NLRP4: variants seen among roughly 807,000 people sequenced by gnomAD.
NLRP4 encodes NACHT, LRR and PYD domains-containing protein 4.
NLRP4 carries 44 observed loss-of-function variants against 84.7 expected under a neutral mutation model. The ratio of observed to expected loss-of-function variants is 0.52; its 90% CI spans 0.41 to 0.67. The LOEUF is 0.67. NLRP4 is among the 30% of genes least tolerant of loss of function. The pLI, the probability that NLRP4 is intolerant of heterozygous loss-of-function variation, is 0.00. For missense variants in NLRP4, 1,260 were observed against 1,219.4 expected (o/e 1.03, Z -0.50); for synonymous variants, 544 against 476.4 (o/e 1.14, Z -1.85).
chr19:55,842,920 C>T (rs186987023), intron 1 of NLRP4, among the ~76,000 whole-genome samples: 26 of 152,004 alleles, frequency 1.7e-4, no homozygotes, highest in East Asian at 7.7e-4. Flanking sequence ...CCACCACGCC[C>T]GGCTAATTTT....
chr19:55,861,440 C>G lies in NLRP4; in HGVS notation c.1911C>G (p.Ser637Arg), dbSNP rs541888369. 1 of 1,614,038 alleles carries G rather than the reference C, an allele frequency of 6.2e-7. No homozygotes were observed. The highest frequency in any genetic ancestry group is 8.5e-7 in the Non-Finnish European group (1 of 1,179,854). The part of the protein sequence containing the change: ...WHHICSVLTT[S>R]GHLRELQVQD... ...ACATCTGCTCTGTGCTCACCACCAG[C>G]GGGCACCTCAGAGAGCTCCAGGTGC... The change falls in exon 4 of 10, where the codon AGC (serine) becomes AGG (arginine). Residue 637 changes from serine to arginine, a missense_variant. Ser to Arg is a moderately radical substitution (Grantham distance 110, BLOSUM62 -1). Around this residue, in one of 3 missense-constraint regions of NLRP4, gnomAD observed 544 missense variants for 531.7 expected, o/e 1.02. Transcript: ENST00000301295.
At chr19:55,870,775 C>T (rs1216427623) in intron 6 of NLRP4, 52 bp from the exon 7 acceptor site, 6 of 1,357,374 alleles carry the variant, frequency 4.4e-6, no homozygotes, top group Non-Finnish European at 6.3e-6. Flanking sequence ...GCAAATCTCC[C>T]TGAGACACCA....
At chr19:55,849,198 TAC>T (rs1983921702) in intron 1 of NLRP4, among the ~76,000 whole-genome samples, 1 of 152,180 alleles carries the variant, frequency 6.6e-6, no homozygotes, top group African/African-American at 2.4e-5. Context: ...CTAAAGTTGT[TAC>T]AGTTTTAGCT....
intron 7 of NLRP4, among the ~76,000 whole-genome samples, 187 bp from the exon 8 acceptor site, chr19:55,876,809 C>T (rs947887870): frequency 2.0e-5 from 3 of 151,910 alleles, no homozygotes; most frequent in African/African-American, 4.8e-5. Flanking sequence ...TTTAGTGTTG[C>T]GTGTTATGTG....
chr19:55,843,195 C>T (rs78642676), intron 1 of NLRP4, among the ~76,000 whole-genome samples: 1,935 of 152,298 alleles, frequency 0.013, 36 homozygotes, highest in African/African-American at 0.043. Flanking sequence ...AATGGCACAA[C>T]CGTTCAAATA....
chr19:55,842,641 A>G (rs959999381), intron 1 of NLRP4, among the ~76,000 whole-genome samples: 1 of 151,860 alleles, frequency 6.6e-6, no homozygotes, highest in Admixed American at 6.6e-5. Context: ...GCATCTCTTA[A>G]TTTTCACCTG....
intron 1 of NLRP4, among the ~76,000 whole-genome samples, chr19:55,851,613 T>A (rs370964049): frequency 3.6e-5 from 2 of 55,416 alleles, no homozygotes; most frequent in South Asian, 7.8e-4. Flanking sequence ...GTAATGTCCG[T>A]GGCTGCGGTG....
In NLRP4 at chr19:55,858,990, C is replaced by T. The variant is rs1018091340; in HGVS notation, c.1597C>T (p.Gln533Ter). Residue 533 changes from glutamine to a stop codon, truncating the protein, a stop_gained, in exon 3 of 10, where the codon CAG becomes TAG. Coordinates refer to ENST00000301295, the MANE Select transcript of NLRP4 (RefSeq NM_134444.5). LOFTEE classifies it high-confidence loss of function. The surrounding 1 kb of genome is among the most constrained non-coding windows in gnomAD (Gnocchi z 4.2). Reference sequence around the variant, plus strand: ...CCAAGAGATAAAGCAGCAAATTCACCAGTGCCTGAAGAGCTTAGGGGAGCG... The same window carrying T: ...CCAAGAGATAAAGCAGCAAATTCACTAGTGCCTGAAGAGCTTAGGGGAGCG... ...LSQEIKQQIH[Q>*]CLKSLGERGN... The T allele has an allele frequency of 1.9e-6, 3 of 1,614,038 alleles. No homozygotes were observed. The highest frequency in any genetic ancestry group is 2.5e-6 in the Non-Finnish European group (3 of 1,180,026).
At chr19:55,857,591 A>T (rs1484601113) in intron 2 of NLRP4, 83 bp from the exon 3 acceptor site, 1 of 1,332,668 alleles carries the variant, frequency 7.5e-7, no homozygotes, top group East Asian at 2.3e-5. Flanking sequence ...CCCTGGAAAG[A>T]TACATCCTGA....
chr19:55,859,571 A>G (rs770795907), intron 3 of NLRP4, among the ~76,000 whole-genome samples: 1 of 152,084 alleles, frequency 6.6e-6, no homozygotes. Flanking sequence ...ATATTTTTCC[A>G]TAGCACCACA....
chr19:55,874,093 AAC>A lies in NLRP4; in HGVS notation c.2526-2901_2526-2900del, dbSNP rs1318895635. Among the ~76,000 whole-genome samples, 7 of 152,280 alleles carry A rather than the reference AAC, an allele frequency of 4.6e-5. No individual in the cohort carries two copies. In the East Asian group the frequency reaches 9.6e-4, roughly 21 times the overall value. On this transcript the variant is annotated intron_variant, in intron 7 of 9. Coordinates refer to ENST00000301295, the MANE Select transcript of NLRP4 (RefSeq NM_134444.5). ...AACCTGCAGGGTGGTTCTTGGAAAA[AAC>A]AGTTTTTGTTAATGCCATCCTATAG... is the stretch of plus-strand genomic sequence containing the variant.
intron 1 of NLRP4, among the ~76,000 whole-genome samples, chr19:55,847,543 A>T (rs1201047950): frequency 6.6e-6 from 1 of 152,162 alleles, no homozygotes; most frequent in Non-Finnish European, 1.5e-5. Context: ...CTTGTTTTAG[A>T]CACAGAAAAG....
Position 55,857,774 on chromosome 19 carries a change from C to T in NLRP4, c.381C>T (p.Val127=). The T allele has an allele frequency of 6.2e-7, 1 of 1,613,984 alleles. No homozygotes were observed. The highest frequency in any genetic ancestry group is 8.5e-7 in the Non-Finnish European group (1 of 1,179,912). The change falls in exon 3 of 10, where the codon GTC becomes GTT. Residue 127 remains valine (V), a synonymous_variant. Transcript: ENST00000301295. ...TEIHLYFEEE[V]KQEECDHLDR... ...TTCACCTATACTTTGAGGAGGAAGT[C>T]AAGCAAGAAGAATGTGACCATTTGG...
In NLRP4 at chr19:55,850,779, G is replaced by A. The variant is rs1000412518; in HGVS notation, c.-65-1237G>A. 4.5e-5 allele frequency among the ~76,000 whole-genome samples: 6 copies of A among 134,004 alleles called. 1 individual carries two copies. Among genetic ancestry groups the A allele is most frequent in the Non-Finnish European group, 1.5e-5 (1 of 64,526 alleles). The allele number at this position is 134,004 out of a possible 152,430, so 87.9% of individuals were successfully genotyped here. ...GCTGCGGTGTAATTTCCGAGGCTGC[G>A]GTGTAATTCCCGAGGCTGCGGTGTA... On this transcript the variant is annotated intron_variant, in intron 1 of 9. Transcript: ENST00000301295.
At chr19:55,865,210 C>T (rs553398351) in intron 5 of NLRP4, among the ~76,000 whole-genome samples, 7 of 152,254 alleles carry the variant, frequency 4.6e-5, no homozygotes, top group Admixed American at 3.3e-4. Context: ...CAGTGTTTAG[C>T]GTCCACTTAT....
chr19:55,870,122 A>C (rs188961559), intron 6 of NLRP4, among the ~76,000 whole-genome samples: 39 of 151,940 alleles, frequency 2.6e-4, no homozygotes, highest in African/African-American at 9.4e-4. Flanking sequence ...TTTTGAACCT[A>C]CTGTGATTTT....
At chr19:55,875,867 G>GAA (rs56984628) in intron 7 of NLRP4, among the ~76,000 whole-genome samples, 17 of 142,330 alleles carry the variant, frequency 1.2e-4, no homozygotes, top group African/African-American at 3.9e-4. Flanking sequence ...CGTCTCTACT[G>GAA]AAAAAAAAAA....
chr19:55,869,519 G>A (rs766254552), intron 6 of NLRP4, among the ~76,000 whole-genome samples: 14 of 152,264 alleles, frequency 9.2e-5, no homozygotes, highest in Middle Eastern at 3.4e-3. Context: ...GCAGTTGCCC[G>A]TTCTGTCCTA....
intron 6 of NLRP4, 84 bp from the exon 7 acceptor site, chr19:55,870,743 A>C: frequency 1.1e-6 from 1 of 944,590 alleles, no homozygotes; most frequent in Non-Finnish European, 1.7e-6. Context: ...TTATAGAAAT[A>C]TTACCCTGAA....
Sources: allele counts gnomAD v4.1 joint callset (sites outside exome capture counted in the v4.1 genomes callset), GRCh38; gene constraint gnomAD v4.1.1; regional missense constraint gnomAD v4.1.1; non-coding constraint Gnocchi (gnomAD v3.1); transcripts MANE v1.5; gene names NCBI Gene and HGNC (gene_info 2026-07-23, HGNC 2026-07-21).